The following EVA1C variants were observed in gnomAD, a reference collection of about 807,000 sequenced individuals.
EVA1C encodes protein eva-1 homolog C.
Under a neutral mutation model 45.4 loss-of-function variants are expected in EVA1C, and 25 were observed. The observed-to-expected ratio is 0.55, with a 90% CI of 0.40 to 0.77. EVA1C has a LOEUF of 0.77. Ranked by LOEUF, EVA1C falls within the 30% of genes least tolerant of loss-of-function variation. The pLI is 0.00. For synonymous variants in EVA1C, 190 were observed against 221.2 expected, an observed-to-expected ratio of 0.86 and a Z score of 1.25; for missense variants, 479 against 554.8, an observed-to-expected ratio of 0.86 and a Z score of 1.37.
chr21:32,447,410 G>A (rs1415523509), intron 1 of EVA1C, among the ~76,000 whole-genome samples: 2 of 152,032 alleles, frequency 1.3e-5, no homozygotes, highest in African/African-American at 4.8e-5. Flanking sequence ...TACGATCTAA[G>A]GGTCATGTGC....
In EVA1C at chr21:32,461,086, CT is replaced by C. The variant is rs141664883; in HGVS notation, c.481+3371del. Reference sequence around the variant, plus strand: ...ACCTTGACTAGGGGTTCAGTGGAGTCTTTTTGGAGCAAGTGATGATGGAGCT... The same window carrying C: ...ACCTTGACTAGGGGTTCAGTGGAGTCTTTTGGAGCAAGTGATGATGGAGCT... On this transcript the variant is annotated intron_variant, in intron 3 of 7. Coordinates refer to ENST00000300255, the MANE Select transcript of EVA1C (RefSeq NM_058187.5). Among the ~76,000 whole-genome samples, 727 of 152,256 alleles carry C rather than the reference CT, an allele frequency of 4.8e-3. 8 individuals are homozygous for C. The highest frequency in any genetic ancestry group is 0.016 in the African/African-American group (679 of 41,552).
intron 4 of EVA1C, among the ~76,000 whole-genome samples, chr21:32,469,121 C>T (rs1001183965): frequency 6.6e-6 from 1 of 152,162 alleles, no homozygotes; most frequent in African/African-American, 2.4e-5. Flanking sequence ...CTGTTCTAAG[C>T]ATGGGGGAGT....
intron 4 of EVA1C, among the ~76,000 whole-genome samples, chr21:32,489,946 C>CGT (rs1649327567): frequency 6.6e-6 from 1 of 152,092 alleles, no homozygotes; most frequent in Non-Finnish European, 1.5e-5. Context: ...GGATTACAGG[C>CGT]GTGTGCCACC....
At chr21:32,451,478 T>C (rs9284454) in intron 1 of EVA1C, among the ~76,000 whole-genome samples, 33,132 of 152,100 alleles carry the variant, frequency 0.22, 3,756 homozygotes, top group Admixed American at 0.3. Context: ...AGCCCAGGGC[T>C]GAGTGTGGCT....
At chr21:32,423,649 C>G (rs1169828380) in intron 1 of EVA1C, among the ~76,000 whole-genome samples, 1 of 151,998 alleles carries the variant, frequency 6.6e-6, no homozygotes, top group East Asian at 1.9e-4. Context: ...ACATGAATTT[C>G]TCATCCTTAT....
At chr21:32,469,086 T>C (rs1379776325) in intron 4 of EVA1C, among the ~76,000 whole-genome samples, 2 of 152,218 alleles carry the variant, frequency 1.3e-5, no homozygotes, top group African/African-American at 2.4e-5. Flanking sequence ...TGAGTAGTTA[T>C]TGAGCACCTG....
intron 1 of EVA1C, among the ~76,000 whole-genome samples, chr21:32,433,796 A>G (rs765176495): frequency 3.3e-4 from 50 of 152,096 alleles, no homozygotes; most frequent in Non-Finnish European, 5.9e-4. Context: ...GATAGTCATT[A>G]CAACGGTAGT....
chr21:32,495,485 G>A (rs920351617), intron 5 of EVA1C, among the ~76,000 whole-genome samples: 2 of 152,160 alleles, frequency 1.3e-5, no homozygotes, highest in African/African-American at 4.8e-5. Context: ...TGAGACCAGT[G>A]ATTTTCATCT....
chr21:32,477,608 C>A (rs2036611146), intron 4 of EVA1C, among the ~76,000 whole-genome samples: 1 of 151,868 alleles, frequency 6.6e-6, no homozygotes, highest in Non-Finnish European at 1.5e-5. Flanking sequence ...TGAGTTTCTC[C>A]CCACATGAGT....
At chr21:32,501,078 G>A (rs2037513787) in intron 5 of EVA1C, among the ~76,000 whole-genome samples, 1 of 152,176 alleles carries the variant, frequency 6.6e-6, no homozygotes, top group African/African-American at 2.4e-5. Flanking sequence ...CTCCCGAAGT[G>A]CTAGGATTAC....
chr21:32,462,245 T>C (rs1307259111), intron 3 of EVA1C, among the ~76,000 whole-genome samples: 1 of 141,816 alleles, frequency 7.1e-6, no homozygotes, highest in Non-Finnish European at 1.5e-5. Context: ...AAAAAAACAA[T>C]TAGCAGGGCA....
intron 1 of EVA1C, among the ~76,000 whole-genome samples, chr21:32,449,310 C>T (rs1288011383): frequency 1.3e-5 from 2 of 152,248 alleles, no homozygotes; most frequent in Non-Finnish European, 1.5e-5. Context: ...GTGGCTCCAC[C>T]ATTGTGGTAT....
chr21:32,429,167 A>G (rs762631379), intron 1 of EVA1C, among the ~76,000 whole-genome samples: 89 of 150,814 alleles, frequency 5.9e-4, no homozygotes, highest in Non-Finnish European at 5.4e-4. Flanking sequence ...CAGCCTCCCA[A>G]GTAGCTGGGA....
chr21:32,412,086 G>A (rs2033842448), upstream of EVA1C: 1 of 152,298 alleles, frequency 6.6e-6, no homozygotes, highest in Non-Finnish European at 1.5e-5. Flanking sequence ...TCCCGGCTCC[G>A]GAGCCATCTG....
intron 4 of EVA1C, 84 bp downstream of exon 4, chr21:32,467,932 T>A: frequency 1.1e-6 from 1 of 896,912 alleles, no homozygotes; most frequent in Non-Finnish European, 1.5e-6. Flanking sequence ...CCTATATATA[T>A]CCTATATGAT....
At chr21:32,494,707 A>G (rs1293786144) in intron 4 of EVA1C, among the ~76,000 whole-genome samples, 2 of 151,694 alleles carry the variant, frequency 1.3e-5, no homozygotes, top group Non-Finnish European at 2.9e-5. Flanking sequence ...TGCTTGAAGC[A>G]GGGAGGCAGA....
chr21:32,495,529 AGTC>A (rs575067185), intron 5 of EVA1C, among the ~76,000 whole-genome samples: 79 of 152,300 alleles, frequency 5.2e-4, no homozygotes, highest in African/African-American at 1.5e-3. Context: ...GCGAGTTCAC[AGTC>A]GAATTATGTG....
At chr21:32,463,761 C>T (rs2036081791) in intron 3 of EVA1C, among the ~76,000 whole-genome samples, 1 of 150,592 alleles carries the variant, frequency 6.6e-6, no homozygotes, top group South Asian at 2.1e-4. Flanking sequence ...CCTCTTGTAA[C>T]TTTTAAATAT....
At chr21:32,498,625 A>G (rs2037431784) in intron 5 of EVA1C, among the ~76,000 whole-genome samples, 1 of 152,046 alleles carries the variant, frequency 6.6e-6, no homozygotes, top group Admixed American at 6.6e-5. Flanking sequence ...TGGTGGTTTA[A>G]TTCTTCCAAA....
Sources: gnomAD v4.1 joint callset for allele counts (sites outside exome capture counted in the v4.1 genomes callset) on GRCh38, gnomAD v4.1.1 for gene constraint, MANE v1.5 for transcripts, NCBI Gene and HGNC (gene_info 2026-07-23, HGNC 2026-07-21) for gene names.